The following ADAMTS3 variants were observed in gnomAD, a reference collection of about 807,000 sequenced individuals.
The protein encoded by ADAMTS3 is A disintegrin and metalloproteinase with thrombospondin motifs 3.
A neutral mutation model predicts 129.0 loss-of-function variants in ADAMTS3; 73 were observed. The ratio of observed to expected loss-of-function variants is 0.57; its 90% CI spans 0.47 to 0.69. The LOEUF is 0.69. Among genes scored for constraint, ADAMTS3 ranks in the 30% least tolerant of loss-of-function variants. ADAMTS3 has a pLI of 0.00. For synonymous variants in ADAMTS3, 477 were observed against 510.8 expected (o/e 0.93, Z 0.89); for missense variants, 1,457 against 1,514.5 (o/e 0.96, Z 0.63).
intron 4 of ADAMTS3, among the ~76,000 whole-genome samples, chr4:72,363,747 A>T (rs1720789259): frequency 6.6e-6 from 1 of 152,070 alleles, no homozygotes; most frequent in East Asian, 1.9e-4. Context: ...TATAAAAAAA[A>T]TACCTATATA....
intron 4 of ADAMTS3, among the ~76,000 whole-genome samples, chr4:72,357,510 C>T (rs1000958118): frequency 1.3e-5 from 2 of 151,654 alleles, no homozygotes; most frequent in Non-Finnish European, 2.9e-5. Context: ...TAAGAGCAGC[C>T]AGATAAAACT....
At chr4:72,493,098 T>C (rs1397463728) in intron 3 of ADAMTS3, among the ~76,000 whole-genome samples, 4 of 151,984 alleles carry the variant, frequency 2.6e-5, no homozygotes, top group Admixed American at 2.0e-4. Flanking sequence ...TTTTAGCCTA[T>C]GTGTCTTTAA....
At chr4:72,442,400 T>C (rs1718141207) in intron 3 of ADAMTS3, among the ~76,000 whole-genome samples, 1 of 151,666 alleles carries the variant, frequency 6.6e-6, no homozygotes, top group African/African-American at 2.4e-5. Context: ...TCAGGAAACT[T>C]TTAATCATGA....
intron 19 of ADAMTS3, among the ~76,000 whole-genome samples, chr4:72,291,504 C>G (rs1361941525): frequency 1.8e-4 from 27 of 148,692 alleles, no homozygotes; most frequent in Non-Finnish European, 2.8e-4. Flanking sequence ...TGCGGTGTTT[C>G]GTTTTTTGTC....
chr4:72,566,468 C>T (rs773136270), intron 2 of ADAMTS3, among the ~76,000 whole-genome samples: 3 of 152,200 alleles, frequency 2.0e-5, no homozygotes, highest in East Asian at 1.9e-4. Context: ...ATTTAATAAA[C>T]GGCCAATGAC....
intron 3 of ADAMTS3, among the ~76,000 whole-genome samples, chr4:72,539,335 A>G (rs753166548): frequency 9.2e-5 from 14 of 152,132 alleles, no homozygotes; most frequent in Middle Eastern, 3.4e-3. Flanking sequence ...TTCAAAAATG[A>G]GCAAATGACT....
Position 72,339,500 on chromosome 4 carries a change from C to T in ADAMTS3, c.855G>A (p.Met285Ile). The change falls in exon 5 of 22, where the codon ATG becomes ATA. Residue 285 changes from methionine (M) to isoleucine (I), a missense_variant. Met to Ile is a conservative substitution (Grantham distance 10). Coordinates refer to ENST00000286657, the MANE Select transcript of ADAMTS3 (RefSeq NM_014243.3). ...AAAAGGAGTCACTACTCACAATGTTCATTAGGGTCAGGAGGTAGTTTTGGA... is the reference window on the plus strand; with the variant it reads ...AAAAGGAGTCACTACTCACAATGTTTATTAGGGTCAGGAGGTAGTTTTGGA... ...EHVQNYLLTL[M>I]NIVNEIYHDE... 6.2e-7 allele frequency: 1 copy of T among 1,613,786 alleles called. No individual in the cohort carries two copies. The highest frequency in any genetic ancestry group is 8.5e-7 in the Non-Finnish European group (1 of 1,179,778).
chr4:72,548,457 A>G (rs926134799), intron 3 of ADAMTS3, 21 bp downstream of exon 3: 11 of 1,607,106 alleles, frequency 6.8e-6, no homozygotes, highest in Non-Finnish European at 9.4e-6. Context: ...AAACATACGC[A>G]CAAAACAGAA....
At position 72,283,282 on chromosome 4, in the gene ADAMTS3, G is replaced by A. The variant is rs2109761029; in HGVS notation, c.3472C>T (p.Leu1158Phe). ...GCAGCCATTTGTGAAGCTGAACTGA[G>A]GTGGACCCTCTTGGTGGGTGGGGAG... ...PSSPPTKRVHLSSASQMAAAS... is the reference protein window; with the variant it reads ...PSSPPTKRVHFSSASQMAAAS... The change falls in exon 22 of 22, where the codon CTC becomes TTC. Residue 1158 changes from leucine (L) to phenylalanine (F), a missense_variant. By Grantham distance (22) the Leu-to-Phe change is conservative. Transcript: ENST00000286657. 6.2e-7 allele frequency: 1 copy of A among 1,614,090 alleles called. No individual in the cohort carries two copies. The highest frequency in any genetic ancestry group is 2.2e-5 in the East Asian group (1 of 44,874).
At chr4:72,477,517 G>GA (rs1418214866) in intron 3 of ADAMTS3, among the ~76,000 whole-genome samples, 2 of 151,998 alleles carry the variant, frequency 1.3e-5, no homozygotes, top group Admixed American at 1.3e-4. Context: ...CAACATACCA[G>GA]AATCTCTGGG....
intron 3 of ADAMTS3, among the ~76,000 whole-genome samples, chr4:72,492,686 G>A (rs564358735): frequency 1.3e-4 from 19 of 151,822 alleles, no homozygotes; most frequent in East Asian, 1.9e-4. Context: ...GTTCTGTTGC[G>A]TGAAAAGTTC....
At chr4:72,520,301 C>T (rs934938759) in intron 3 of ADAMTS3, among the ~76,000 whole-genome samples, 1 of 152,200 alleles carries the variant, frequency 6.6e-6, no homozygotes, top group Non-Finnish European at 1.5e-5. Flanking sequence ...CAGGGACCCA[C>T]TTGAGGAGGC....
chr4:72,446,651 G>A (rs1414332358), intron 3 of ADAMTS3, among the ~76,000 whole-genome samples: 1 of 151,700 alleles, frequency 6.6e-6, no homozygotes, highest in African/African-American at 2.4e-5. Context: ...CCATGTGAAA[G>A]AGAAGATCCC....
intron 19 of ADAMTS3, 32 bp from the exon 20 acceptor site, chr4:72,291,094 T>C: frequency 2.5e-6 from 4 of 1,610,528 alleles, no homozygotes; most frequent in Non-Finnish European, 3.4e-6. Flanking sequence ...ATTGCAATTA[T>C]CACTGGTATG....
At chr4:72,529,733 ATAT>A (rs1361952169) in intron 3 of ADAMTS3, among the ~76,000 whole-genome samples, 3 of 96,184 alleles carry the variant, frequency 3.1e-5, no homozygotes, top group Non-Finnish European at 4.0e-5. Flanking sequence ...TAATTAATAT[ATAT>A]TTATTTAATA....
At chr4:72,302,259 T>G (rs1718969768) in intron 17 of ADAMTS3, among the ~76,000 whole-genome samples, 3 of 149,512 alleles carry the variant, frequency 2.0e-5, no homozygotes, top group African/African-American at 7.4e-5. Context: ...GTAACTTAGA[T>G]GTAATGAGTG....
chr4:72,548,981 T>G lies in ADAMTS3; in HGVS notation c.98-97A>C, dbSNP rs1462670512. 5.5e-6 allele frequency: 6 copies of G among 1,093,460 alleles called. No individual in the cohort carries two copies. In the East Asian group the frequency reaches 9.7e-5, roughly 18 times the overall value. 67.7% of individuals were successfully genotyped at this position (1,093,460 alleles called of 1,614,324 possible). On this transcript the variant is annotated intron_variant, in intron 2 of 21. Coordinates refer to ENST00000286657, the MANE Select transcript of ADAMTS3 (RefSeq NM_014243.3). Reference sequence around the variant, plus strand: ...AGCTGCCCACCTCACAAGACCATACTTCAATGTGCATAATATAGACATTCC... The same window carrying G: ...AGCTGCCCACCTCACAAGACCATACGTCAATGTGCATAATATAGACATTCC...
chr4:72,470,523 C>A, intron 3 of ADAMTS3, among the ~76,000 whole-genome samples: 1 of 150,912 alleles, frequency 6.6e-6, no homozygotes, highest in Non-Finnish European at 1.5e-5. Context: ...AAATTATATC[C>A]ATCTTCCTGT....
intron 3 of ADAMTS3, among the ~76,000 whole-genome samples, chr4:72,511,943 G>A (rs939006759): frequency 1.3e-5 from 2 of 152,156 alleles, no homozygotes; most frequent in African/African-American, 2.4e-5. Flanking sequence ...AAAAAAGAAC[G>A]AGAGCTTGTC....
Sources: gnomAD v4.1 joint callset for allele counts (sites outside exome capture counted in the v4.1 genomes callset) on GRCh38, gnomAD v4.1.1 for gene constraint, MANE v1.5 for transcripts, NCBI Gene and HGNC (gene_info 2026-07-23, HGNC 2026-07-21) for gene names.